HDLBP: variants seen among roughly 807,000 people sequenced by gnomAD.
HDLBP encodes vigilin.
A neutral mutation model predicts 137.3 loss-of-function variants in HDLBP; 30 were observed. The ratio of observed to expected loss-of-function variants is 0.22; its 90% CI spans 0.16 to 0.30. HDLBP has a LOEUF of 0.30. HDLBP is among the 10% of genes least tolerant of loss of function. The pLI, the probability that HDLBP is intolerant of heterozygous loss-of-function variation, is 1.00. For missense variants in HDLBP, 1,119 were observed against 1,667.3 expected (o/e 0.67, Z 5.73); for synonymous variants, 606 against 596.0 (o/e 1.02, Z -0.24).
chr2:241,256,636 T>C lies in HDLBP; in HGVS notation c.621A>G (p.Lys207=), dbSNP rs201031841. ...AGATGAGTAAGACTTCATGGCGAGC[T>C]TTCTCGATGCCCTCTTTGGTGCCAG... ...KITGTKEGIE[K]ARHEVLLISA... is the part of the protein sequence containing the mutation. The change falls in exon 6 of 28, where the codon AAA becomes AAG. Residue 207 remains lysine, a synonymous_variant. Transcript: ENST00000310931. 6.2e-7 allele frequency: 1 copy of C among 1,614,196 alleles called. No homozygotes were observed. Among genetic ancestry groups the C allele is most frequent in the Non-Finnish European group, 8.5e-7 (1 of 1,180,040 alleles).
chr2:241,282,005 C>G (rs995461568), intron 1 of HDLBP, among the ~76,000 whole-genome samples: 2 of 152,036 alleles, frequency 1.3e-5, no homozygotes, highest in Non-Finnish European at 2.9e-5. Context: ...TATTTTATTA[C>G]AAATCTTTTG....
At chr2:241,250,117 C>T in intron 11 of HDLBP, 137 bp from the exon 12 acceptor site, 1 of 836,956 alleles carries the variant, frequency 1.2e-6, no homozygotes, top group Non-Finnish European at 1.8e-6. Context: ...GCTTAGCTTC[C>T]CAAACAAAAA....
At chr2:241,250,083 G>A (rs2072007175) in intron 11 of HDLBP, 103 bp from the exon 12 acceptor site, 1 of 1,157,236 alleles carries the variant, frequency 8.6e-7, no homozygotes, top group Non-Finnish European at 1.2e-6. Flanking sequence ...AACCTTATCT[G>A]TGATTCCCAT....
chr2:241,229,783 T>TGGG, intron 27 of HDLBP, 50 bp downstream of exon 27: 6 of 1,524,612 alleles, frequency 3.9e-6, no homozygotes, highest in Middle Eastern at 1.8e-4. Flanking sequence ...CAAGCCCGCC[T>TGGG]GCCCGCCCAC....
rs376066963 is a variant in HDLBP, at chr2:241,229,897, G to C, written c.3656C>G (p.Ala1219Gly). 91 of 1,596,786 alleles carry C rather than the reference G, an allele frequency of 5.7e-5. No homozygotes were observed. The highest frequency in any genetic ancestry group is 7.7e-5 in the Non-Finnish European group (90 of 1,171,026). Residue 1219 changes from alanine to glycine, a missense_variant, in exon 27 of 28, where the codon GCC (alanine) becomes GGC (glycine). Ala to Gly is a moderately conservative substitution (Grantham distance 60). This residue lies in a region of HDLBP where 618 missense variants were observed against 816.7 expected (regional missense o/e 0.76). Coordinates refer to ENST00000310931, the MANE Select transcript of HDLBP (RefSeq NM_005336.6). ...VYMKPPAHEEAKAPSRGFVVR... is the reference protein window; with the variant it reads ...VYMKPPAHEEGKAPSRGFVVR... ...CACAAAGCCTCTGGAAGGTGCCTTG[G>C]CCTCTTCGTGTGCTGGGGGTTTCAT... is the stretch of plus-strand genomic sequence containing the variant.
At chr2:241,301,598 C>A (rs918329901) in intron 1 of HDLBP, among the ~76,000 whole-genome samples, 1 of 152,062 alleles carries the variant, frequency 6.6e-6, no homozygotes, top group Admixed American at 6.6e-5. Flanking sequence ...TAAGCAAACT[C>A]CAACATAAAG....
intron 15 of HDLBP, 79 bp from the exon 16 acceptor site, chr2:241,246,962 G>T: frequency 6.3e-7 from 1 of 1,578,936 alleles, no homozygotes; most frequent in Non-Finnish European, 8.7e-7. Flanking sequence ...AGGGCTAGAA[G>T]TAAGGAAGAG....
Position 241,253,039 on chromosome 2 carries a change from C to T in HDLBP, c.1294-4G>A, listed in dbSNP as rs752046294. The T allele has an allele frequency of 5.0e-6, 8 of 1,601,314 alleles. No homozygotes were observed. Among genetic ancestry groups the T allele is most frequent in the African/African-American group, 2.7e-5 (2 of 74,718 alleles). On this transcript the variant is annotated splice_polypyrimidine_tract_variant and splice_region_variant and intron_variant, in intron 10 of 27. Coordinates refer to ENST00000310931, the MANE Select transcript of HDLBP (RefSeq NM_005336.6). ...CCACATAGTCCATCCGGTTAATCTG[C>T]AGGAGGAGCACAGAGGTCCATGGAT...
chr2:241,287,090 G>A (rs2074844122), intron 1 of HDLBP, among the ~76,000 whole-genome samples: 1 of 152,200 alleles, frequency 6.6e-6, no homozygotes. Flanking sequence ...TACACCCAGT[G>A]TCAGTGAACA....
chr2:241,307,940 A>AC (rs1412110761), intron 1 of HDLBP, among the ~76,000 whole-genome samples: 1 of 151,100 alleles, frequency 6.6e-6, no homozygotes, highest in Non-Finnish European at 1.5e-5. Flanking sequence ...TTGGGCCTCT[A>AC]CCCCCACAGG....
chr2:241,259,473 A>T (rs1209857587), intron 5 of HDLBP, among the ~76,000 whole-genome samples: 1 of 152,204 alleles, frequency 6.6e-6, no homozygotes, highest in East Asian at 1.9e-4. Flanking sequence ...CTCAGAAAAA[A>T]GGAATTACTT....
At chr2:241,287,953 T>C (rs191321135) in intron 1 of HDLBP, among the ~76,000 whole-genome samples, 33 of 152,278 alleles carry the variant, frequency 2.2e-4, no homozygotes, top group Admixed American at 1.4e-3. Flanking sequence ...GGGAAGACCA[T>C]GAAAAATGGC....
chr2:241,232,993 A>AGG (rs61604879), intron 24 of HDLBP, among the ~76,000 whole-genome samples: 27,452 of 150,898 alleles, frequency 0.18, 3,278 homozygotes, highest in East Asian at 0.59. Flanking sequence ...AAGAAGGGGA[A>AGG]GGGGAAGGGG....
At position 241,238,679 on chromosome 2, in the gene HDLBP, T is replaced by C; in HGVS notation, c.2719A>G (p.Ile907Val). The change falls in exon 20 of 28, where the codon ATT becomes GTT. Residue 907 changes from isoleucine to valine, a missense_variant. Around this residue, in one of 4 missense-constraint regions of HDLBP, gnomAD observed 618 missense variants for 816.7 expected, o/e 0.76. Transcript: ENST00000310931. The surrounding 1 kb of genome is among the most constrained non-coding windows in gnomAD (Gnocchi z 4.9). ...QQITRDFSVQ[I>V]KFPDREENAV... ...TTCTCCTCTCTGTCTGGGAATTTAA[T>C]TTGAACACTGAAATCCCGAGTAATC... 6.3e-7 allele frequency: 1 copy of C among 1,581,590 alleles called. No homozygotes were observed. The highest frequency in any genetic ancestry group is 8.6e-7 in the Non-Finnish European group (1 of 1,157,554).
intron 5 of HDLBP, among the ~76,000 whole-genome samples, chr2:241,258,679 T>C (rs947678137): frequency 2.0e-5 from 3 of 152,180 alleles, no homozygotes; most frequent in Admixed American, 6.5e-5. Context: ...AGATAAACTT[T>C]CTTATGACCT....
intron 11 of HDLBP, among the ~76,000 whole-genome samples, chr2:241,251,291 C>A (rs114291837): frequency 0.014 from 2,097 of 152,250 alleles, 27 homozygotes; most frequent in African/African-American, 0.035. Flanking sequence ...AAAACCAAAA[C>A]AAAACCGTAA....
Position 241,255,509 on chromosome 2 carries a change from G to A in HDLBP, c.945C>T (p.Gly315=), listed in dbSNP as rs2072543734. 1.2e-6 allele frequency: 2 copies of A among 1,613,820 alleles called. No individual in the cohort carries two copies. The highest frequency in any genetic ancestry group is 1.1e-5 in the South Asian group (1 of 91,076). ...TCTCAAGGATCTCCTGCAATGAATTGCCCTTGGGCCCAATGACATACTTGT... is the reference window on the plus strand; with the variant it reads ...TCTCAAGGATCTCCTGCAATGAATTACCCTTGGGCCCAATGACATACTTGT... The part of the protein sequence containing the change: ...SQHKYVIGPK[G]NSLQEILERT... Residue 315 remains glycine, a synonymous_variant, in exon 8 of 28, where the codon GGC becomes GGT. Transcript: ENST00000310931.
chr2:241,258,876 C>T (rs1257660706), intron 5 of HDLBP, among the ~76,000 whole-genome samples: 1 of 152,132 alleles, frequency 6.6e-6, no homozygotes, highest in East Asian at 1.9e-4. Context: ...GCTGATGAGA[C>T]GGCAAAACAC....
chr2:241,281,804 A>G (rs62186396), intron 1 of HDLBP, among the ~76,000 whole-genome samples: 17,419 of 152,304 alleles, frequency 0.11, 1,232 homozygotes, highest in Admixed American at 0.16. Flanking sequence ...GGGTGAAACA[A>G]TATTATTAAA....
Sources: allele counts gnomAD v4.1 joint callset (sites outside exome capture counted in the v4.1 genomes callset), GRCh38; gene constraint gnomAD v4.1.1; regional missense constraint gnomAD v4.1.1; non-coding constraint Gnocchi (gnomAD v3.1); transcripts MANE v1.5; gene names NCBI Gene and HGNC (gene_info 2026-07-23, HGNC 2026-07-21).